EIF3J: variants seen among roughly 807,000 people sequenced by gnomAD.
The protein encoded by EIF3J is eukaryotic translation initiation factor 3 subunit J.
EIF3J carries 15 observed loss-of-function variants against 39.0 expected under a neutral mutation model. The observed-to-expected ratio is 0.38, with a 90% CI of 0.26 to 0.59. EIF3J has a LOEUF of 0.59. Among genes scored for constraint, EIF3J ranks in the 20% least tolerant of loss-of-function variants. EIF3J has a pLI of 0.60. For synonymous variants in EIF3J, 98 were observed against 112.9 expected (o/e 0.87, Z 0.84); for missense variants, 226 against 308.6 (o/e 0.73, Z 2.00).
In EIF3J at chr15:44,538,101, TAC is replaced by T. The variant is rs1412215121; in HGVS notation, c.147+680_147+681del. Among the ~76,000 whole-genome samples the T allele has an allele frequency of 3.3e-5, 5 of 152,092 alleles. No homozygotes were observed. The East Asian group carries it at 9.6e-4, about 29-fold the overall frequency. On this transcript the variant is annotated intron_variant, in intron 2 of 7. Transcript: ENST00000261868. Reference sequence around the variant, plus strand: ...AATGGAGAGACGACAGTTACTCAACTACACACATACGACACCTAAGGAAATAT... The same window carrying T: ...AATGGAGAGACGACAGTTACTCAACTACACATACGACACCTAAGGAAATAT...
chr15:44,542,815 A>G (rs1358086459), intron 2 of EIF3J, among the ~76,000 whole-genome samples: 1 of 152,208 alleles, frequency 6.6e-6, no homozygotes, highest in Non-Finnish European at 1.5e-5. Flanking sequence ...ATTTTAGGAG[A>G]GCAGCCTGGG....
At chr15:44,552,873 A>G (rs2082112169) in intron 4 of EIF3J, among the ~76,000 whole-genome samples, 1 of 152,158 alleles carries the variant, frequency 6.6e-6, no homozygotes, top group Non-Finnish European at 1.5e-5. Context: ...TTTCTATTTC[A>G]GAACACATTT....
intron 2 of EIF3J, among the ~76,000 whole-genome samples, chr15:44,548,068 A>G (rs1429516408): frequency 1.3e-5 from 2 of 152,202 alleles, no homozygotes; most frequent in Non-Finnish European, 2.9e-5. Context: ...ACACTAAAAA[A>G]TCTGAAAACC....
Position 44,561,376 on chromosome 15 carries a change from G to C in EIF3J, c.*227G>C. 2.7e-6 allele frequency: 1 copy of C among 363,644 alleles called. No homozygotes were observed. Among genetic ancestry groups the C allele is most frequent in the South Asian group, 4.9e-5 (1 of 20,340 alleles). 22.5% of individuals were successfully genotyped at this position (363,644 alleles called of 1,614,324 possible). ...GAACCTAAGTTGCTACTAAATCATA[G>C]TTCAAAACCTAATAATGTTGTCGTT... On this transcript the variant is annotated 3_prime_UTR_variant, in exon 8 of 8. Transcript: ENST00000261868.
At chr15:44,539,418 T>C (rs1292237752) in intron 2 of EIF3J, among the ~76,000 whole-genome samples, 1 of 152,078 alleles carries the variant, frequency 6.6e-6, no homozygotes, top group African/African-American at 2.4e-5. Context: ...GTTGCTCTTT[T>C]TTTTTTGGAA....
chr15:44,546,091 A>G (rs1282122222), intron 2 of EIF3J, among the ~76,000 whole-genome samples: 1 of 152,184 alleles, frequency 6.6e-6, no homozygotes, highest in African/African-American at 2.4e-5. Context: ...TTCTGTGAAG[A>G]TTTAAACAAC....
chr15:44,549,777 A>C (rs1402037609), intron 2 of EIF3J, among the ~76,000 whole-genome samples: 1 of 150,810 alleles, frequency 6.6e-6, no homozygotes, highest in East Asian at 1.9e-4. Context: ...AAAAAAAAAA[A>C]AAAAAAAAAA....
In EIF3J at chr15:44,544,462, T is replaced by C. The variant is rs543777629; in HGVS notation, c.148-6414T>C. On this transcript the variant is annotated intron_variant, in intron 2 of 7. Coordinates refer to ENST00000261868, the MANE Select transcript of EIF3J (RefSeq NM_003758.4). Reference sequence around the variant, plus strand: ...GCTCACACCTGTAATCCCAACACTTTGGGAGGCTGAGGTGGGTGGATCACC... The same window carrying C: ...GCTCACACCTGTAATCCCAACACTTCGGGAGGCTGAGGTGGGTGGATCACC... Among the ~76,000 whole-genome samples the C allele has an allele frequency of 1.1e-4, 16 of 150,490 alleles. No individual in the cohort carries two copies. The East Asian group carries it at 2.7e-3, about 26-fold the overall frequency.
intron 5 of EIF3J, among the ~76,000 whole-genome samples, chr15:44,555,206 G>A (rs2082134600): frequency 6.6e-6 from 1 of 152,146 alleles, no homozygotes; most frequent in South Asian, 2.1e-4. Flanking sequence ...AAAAGTGCAG[G>A]ATCCTATAAA....
At chr15:44,539,732 C>CTTTT (rs77942286) in intron 2 of EIF3J, among the ~76,000 whole-genome samples, 1 of 129,238 alleles carries the variant, frequency 7.7e-6, no homozygotes, top group African/African-American at 2.8e-5. Flanking sequence ...ATTTCTTTTT[C>CTTTT]TTTTTTTTTT....
At chr15:44,553,309 G>A (rs540286592) in intron 4 of EIF3J, among the ~76,000 whole-genome samples, 3 of 151,778 alleles carry the variant, frequency 2.0e-5, no homozygotes, top group Admixed American at 6.6e-5. Flanking sequence ...TGGCTAACAC[G>A]GTGAAACCCC....
intron 6 of EIF3J, chr15:44,559,053 TGCAA>T (rs1454359905): frequency 1.3e-5 from 2 of 152,078 alleles, no homozygotes; most frequent in East Asian, 3.9e-4. Context: ...GTAGTTCCCG[TGCAA>T]GAAAATGGAG....
At chr15:44,538,476 A>G (rs1392260446) in intron 2 of EIF3J, among the ~76,000 whole-genome samples, 1 of 152,108 alleles carries the variant, frequency 6.6e-6, no homozygotes, top group Non-Finnish European at 1.5e-5. Context: ...CAAACGGAGA[A>G]CCCTATAAAT....
Position 44,554,559 on chromosome 15 carries a change from G to C in EIF3J, c.301G>C (p.Glu101Gln). ...RQEEIKKRLEEPEEPKVLTPE... is the reference protein window; with the variant it reads ...RQEEIKKRLEQPEEPKVLTPE... ...AACTTTTGTCTCATTTTAGTTAGAA[G>C]AACCCGAAGAACCTAAAGTGCTAAC... Residue 101 changes from glutamate to glutamine, a missense_variant, in exon 5 of 8, where the codon GAA (glutamate) becomes CAA (glutamine). Transcript: ENST00000261868. 6.2e-7 allele frequency: 1 copy of C among 1,605,762 alleles called. No homozygotes were observed. Among genetic ancestry groups the C allele is most frequent in the African/African-American group, 1.3e-5 (1 of 74,594 alleles).
intron 4 of EIF3J, among the ~76,000 whole-genome samples, chr15:44,552,210 T>C (rs1189734118): frequency 6.6e-6 from 1 of 152,182 alleles, no homozygotes; most frequent in Non-Finnish European, 1.5e-5. Flanking sequence ...GTATTTGTTT[T>C]TGATTTTTTG....
chr15:44,559,106 A>C (rs549079224), intron 6 of EIF3J: 2 of 152,036 alleles, frequency 1.3e-5, no homozygotes, highest in Non-Finnish European at 2.9e-5. Flanking sequence ...AGGTTTAAGA[A>C]TTGTCATTCT....
intron 2 of EIF3J, 120 bp from the exon 3 acceptor site, chr15:44,550,756 A>G: frequency 1.5e-6 from 1 of 683,670 alleles, no homozygotes; most frequent in Non-Finnish European, 2.5e-6. Context: ...TTAATTTATA[A>G]ATTTAATGCA....
intron 2 of EIF3J, among the ~76,000 whole-genome samples, chr15:44,547,357 G>A (rs972092828): frequency 3.3e-5 from 5 of 151,476 alleles, no homozygotes; most frequent in African/African-American, 1.2e-4. Context: ...TGGTCAGGCT[G>A]GTCTTGCATT....
chr15:44,558,273 G>C (rs371933019), intron 6 of EIF3J, among the ~76,000 whole-genome samples: 5 of 152,236 alleles, frequency 3.3e-5, no homozygotes, highest in African/African-American at 9.6e-5. Context: ...GCAGAGGCAC[G>C]ATCTCAGCTC....
Sources: allele counts gnomAD v4.1 joint callset (sites outside exome capture counted in the v4.1 genomes callset), GRCh38; gene constraint gnomAD v4.1.1; transcripts MANE v1.5; gene names NCBI Gene and HGNC (gene_info 2026-07-23, HGNC 2026-07-21).